XPO5: variants seen among roughly 807,000 people sequenced by gnomAD.
The protein encoded by XPO5 is exportin-5.
XPO5 carries 46 observed loss-of-function variants against 160.6 expected under a neutral mutation model. That is an observed-to-expected ratio of 0.29 (90% confidence interval 0.23 to 0.37). XPO5 has a LOEUF of 0.37. XPO5 is among the 10% of genes least tolerant of loss of function. The pLI is 1.00. For synonymous variants in XPO5, 537 were observed against 519.3 expected (o/e 1.03, Z -0.46); for missense variants, 1,090 against 1,463.9 (o/e 0.74, Z 4.17).
chr6:43,559,090 A>T (rs1043390101), intron 11 of XPO5: 1 of 152,768 alleles, frequency 6.5e-6, no homozygotes, highest in Non-Finnish European at 1.5e-5. Context: ...TGAGCTCAGG[A>T]GTTTGAGACC....
chr6:43,523,071 C>T lies in XPO5; in HGVS notation c.*797G>A, dbSNP rs7755135. 0.21 allele frequency: 33,774 copies of T among 161,472 alleles called. 6,433 individuals are homozygous for T. The highest frequency in any genetic ancestry group is 0.52 in the African/African-American group (21,808 of 41,598). 10.0% of individuals were successfully genotyped at this position (161,472 alleles called of 1,614,324 possible). On this transcript the variant is annotated 3_prime_UTR_variant, in exon 32 of 32. Transcript: ENST00000265351. Reference sequence around the variant, plus strand: ...GGTCTGTATTATCCTTGGATGACAACGGTGTCATGTGACACTATCTAGGGT... The same window carrying T: ...GGTCTGTATTATCCTTGGATGACAATGGTGTCATGTGACACTATCTAGGGT...
intron 20 of XPO5, among the ~76,000 whole-genome samples, chr6:43,545,345 G>C (rs1437957572): frequency 6.6e-6 from 1 of 152,134 alleles, no homozygotes; most frequent in Non-Finnish European, 1.5e-5. Context: ...GCCCCGTTGA[G>C]ACTGCTTTTA....
chr6:43,539,518 G>C (rs113684125), intron 20 of XPO5: 1 of 1,536,136 alleles, frequency 6.5e-7, no homozygotes, highest in South Asian at 1.1e-5. Flanking sequence ...GCTTGGTGAC[G>C]GGCATCCACT....
chr6:43,569,302 A>C (rs200620752), intron 5 of XPO5, among the ~76,000 whole-genome samples: 8,688 of 151,418 alleles, frequency 0.057, 421 homozygotes, highest in African/African-American at 0.11. Context: ...CAAAAAAAAA[A>C]AAACAACAAA....
At chr6:43,569,994 G>A (rs1186185329) in intron 5 of XPO5, among the ~76,000 whole-genome samples, 1 of 133,840 alleles carries the variant, frequency 7.5e-6, no homozygotes, top group Non-Finnish European at 1.6e-5. Flanking sequence ...AGTAAGCCGA[G>A]ATCCCTATCT....
intron 13 of XPO5, 110 bp from the exon 14 acceptor site, chr6:43,553,613 G>GAATTTCATGA (rs1795366642): frequency 1.4e-6 from 2 of 1,443,678 alleles, no homozygotes; most frequent in African/African-American, 2.9e-5. Flanking sequence ...GAACACCTGA[G>GAATTTCATGA]AATTTCATGA....
rs753717131 is a variant in XPO5, at chr6:43,549,558, C to T, written c.1791G>A (p.Val597=). Residue 597 remains valine, a synonymous_variant, in exon 17 of 32, where the codon GTG becomes GTA. Transcript: ENST00000265351. The part of the protein sequence containing the change: ...EESKAPRTRA[V]RNVRRHACSS... ...AACAAGCATGCCTCCTCACATTCCT[C>T]ACTGCCCGGGTTCTGGGGGCCTGAA... The T allele has an allele frequency of 1.5e-5, 24 of 1,613,392 alleles. No homozygotes were observed. Among genetic ancestry groups the T allele is most frequent in the Middle Eastern group, 1.7e-4 (1 of 5,930 alleles).
rs752280044 is a variant in XPO5 at position 43,565,641 on chromosome 6, G to A, written c.911+19C>T. On this transcript the variant is annotated intron_variant, in intron 8 of 31. Transcript: ENST00000265351. ...TGACAAAGAAATTAGAAAACACACT[G>A]AAAAGTAAAGATACTCACTGTGCGG... is the stretch of plus-strand genomic sequence containing the variant. 1.3e-6 allele frequency: 2 copies of A among 1,560,026 alleles called. No homozygotes were observed. Among genetic ancestry groups the A allele is most frequent in the Non-Finnish European group, 1.7e-6 (2 of 1,155,942 alleles).
chr6:43,552,886 T>TA (rs1795317285), intron 14 of XPO5, among the ~76,000 whole-genome samples: 6 of 152,310 alleles, frequency 3.9e-5, no homozygotes, highest in Admixed American at 3.9e-4. Context: ...TGGTAGTGCT[T>TA]AGAGTTAGAA....
intron 20 of XPO5, among the ~76,000 whole-genome samples, chr6:43,538,121 T>C (rs1180941752): frequency 6.9e-6 from 1 of 145,704 alleles, no homozygotes; most frequent in Non-Finnish European, 1.5e-5. Context: ...ACTTATAAAT[T>C]TAGAGCCTAA....
At chr6:43,556,727 T>C (rs1008488588) in intron 12 of XPO5, among the ~76,000 whole-genome samples, 2 of 152,130 alleles carry the variant, frequency 1.3e-5, no homozygotes, top group African/African-American at 4.8e-5. Context: ...TAAATGTTCA[T>C]AGCAGCATTA....
intron 13 of XPO5, chr6:43,553,712 AC>A: frequency 9.2e-7 from 1 of 1,088,970 alleles, no homozygotes; most frequent in Non-Finnish European, 1.2e-6. Flanking sequence ...GAAGGTTCCT[AC>A]CATGCCTCCT....
chr6:43,547,542 G>T, intron 19 of XPO5, 66 bp downstream of exon 19: 1 of 1,477,620 alleles, frequency 6.8e-7, no homozygotes, highest in South Asian at 1.1e-5. Flanking sequence ...TGAGAAACTT[G>T]ACAAAAGACA....
intron 13 of XPO5, among the ~76,000 whole-genome samples, chr6:43,553,993 A>T (rs1257321391): frequency 6.6e-6 from 1 of 152,256 alleles, no homozygotes; most frequent in Non-Finnish European, 1.5e-5. Flanking sequence ...CAATAGCCTC[A>T]TGACAGCCTT....
At position 43,522,695 on chromosome 6, in the gene XPO5, C is replaced by T. The variant is rs536522462; in HGVS notation, c.*1173G>A. On this transcript the variant is annotated 3_prime_UTR_variant, in exon 32 of 32. Transcript: ENST00000265351. ...TAAAAACTGTAGCTTCAGTCCACTT[C>T]GGCTCTCGGGGAAACCCTCTTGTCA... 2.8e-5 allele frequency: 14 copies of T among 496,374 alleles called. No individual in the cohort carries two copies. Among genetic ancestry groups the T allele is most frequent in the Non-Finnish European group, 5.0e-5 (12 of 237,674 alleles). 30.7% of individuals were successfully genotyped at this position (496,374 alleles called of 1,614,324 possible). A position where few individuals can be genotyped will look rare whatever the true frequency, so the allele number is the denominator to read the frequency against.
At chr6:43,557,042 C>T (rs1762126321) in intron 12 of XPO5, among the ~76,000 whole-genome samples, 1 of 150,864 alleles carries the variant, frequency 6.6e-6, no homozygotes, top group East Asian at 2.0e-4. Flanking sequence ...GCAGAAAAAT[C>T]GCTTGAACCT....
At chr6:43,525,754 T>C in intron 28 of XPO5, 85 bp downstream of exon 28, 1 of 1,415,488 alleles carries the variant, frequency 7.1e-7, no homozygotes, top group Non-Finnish European at 9.6e-7. Context: ...CAAAAAACTC[T>C]TGATAGCACC....
Position 43,575,777 on chromosome 6 carries a change from G to A in XPO5, c.88C>T (p.Arg30Trp). The A allele has an allele frequency of 2.5e-6, 4 of 1,613,550 alleles. No homozygotes were observed. Among genetic ancestry groups the A allele is most frequent in the Non-Finnish European group, 3.4e-6 (4 of 1,179,614 alleles). ...CCAGCTACCTTGAGGGCTTCCAGCC[G>A]GTAGCGCTGGGTGGAGTTGGGGTCC... ...MMDPNSTQRYRLEALKFCEEF... is the reference protein window; with the variant it reads ...MMDPNSTQRYWLEALKFCEEF... The change falls in exon 1 of 32, where the codon CGG (arginine) becomes TGG (tryptophan). Residue 30 changes from arginine (R) to tryptophan (W), a missense_variant. Around this residue, in one of 3 missense-constraint regions of XPO5, gnomAD observed 170 missense variants for 227.0 expected, o/e 0.75. Coordinates refer to ENST00000265351, the MANE Select transcript of XPO5 (RefSeq NM_020750.3).
intron 20 of XPO5, 89 bp downstream of exon 20, chr6:43,546,482 A>G: frequency 7.8e-7 from 1 of 1,290,122 alleles, no homozygotes; most frequent in African/African-American, 1.5e-5. Flanking sequence ...TAATACCACT[A>G]AGATATGAAG....
Sources: allele counts gnomAD v4.1 joint callset (sites outside exome capture counted in the v4.1 genomes callset), GRCh38; gene constraint gnomAD v4.1.1; regional missense constraint gnomAD v4.1.1; transcripts MANE v1.5; gene names NCBI Gene and HGNC (gene_info 2026-07-23, HGNC 2026-07-21).